Variants in HDAC9 observed in about 807,000 individuals in gnomAD.
The protein encoded by HDAC9 is MEF-2 interacting transcription repressor (MITR) protein.
In HDAC9, 41 loss-of-function variants were observed where a neutral mutation model predicts 139.4. The observed-to-expected ratio is 0.29, with a 90% CI of 0.23 to 0.38. The LOEUF (loss-of-function observed/expected upper bound fraction) is 0.38. HDAC9 is among the 10% of genes least tolerant of loss of function. The probability of loss-of-function intolerance (pLI) is 1.00; values close to 1 mark genes in which losing one functional copy is unlikely to be tolerated. For synonymous variants in HDAC9, 517 were observed against 476.2 expected (o/e 1.09, Z -1.12); for missense variants, 1,147 against 1,297.0 (o/e 0.88, Z 1.78).
At chr7:18,934,113 GAAAT>G (rs553067748) in intron 22 of HDAC9, among the ~76,000 whole-genome samples, 93 of 152,062 alleles carry the variant, frequency 6.1e-4, no homozygotes, top group African/African-American at 2.2e-3. Context: ...TTTAAACAAT[GAAAT>G]AAAAGAAGGA....
chr7:18,253,814 AAGGG>A (rs1171662533), intron 2 of HDAC9, among the ~76,000 whole-genome samples: 3 of 152,138 alleles, frequency 2.0e-5, no homozygotes, highest in Admixed American at 6.5e-5. Context: ...GCCTGGAAAC[AAGGG>A]AGGAAGAAGT....
At chr7:18,510,831 A>G (rs1425120394) in intron 2 of HDAC9, among the ~76,000 whole-genome samples, 2 of 152,194 alleles carry the variant, frequency 1.3e-5, no homozygotes, top group Admixed American at 6.5e-5. Context: ...TGAGAAAATT[A>G]TCTTTATGTG....
At chr7:18,315,354 A>G (rs1799567993) in intron 1 of HDAC9, among the ~76,000 whole-genome samples, 1 of 152,188 alleles carries the variant, frequency 6.6e-6, no homozygotes, top group African/African-American at 2.4e-5. Context: ...TATATAAAGG[A>G]ACTGAGGCAC....
At chr7:18,146,269 G>A (rs1259643780) in intron 1 of HDAC9, among the ~76,000 whole-genome samples, 1 of 152,054 alleles carries the variant, frequency 6.6e-6, no homozygotes, top group African/African-American at 2.4e-5. Context: ...TTATCTAATA[G>A]TCCATTAGTA....
In HDAC9 at chr7:18,814,765, C is replaced by G. The variant is rs150482453; in HGVS notation, c.2323-14396C>G. On this transcript the variant is annotated intron_variant, in intron 17 of 25. Coordinates refer to ENST00000686413, the MANE Select transcript of HDAC9 (RefSeq NM_178425.4). ...CATTTACTTGTTGGTAGCTATTCTA[C>G]TAGTGTATAGCCTTGGAAAATTAGA... Among the ~76,000 whole-genome samples, 650 of 152,260 alleles carry G rather than the reference C, an allele frequency of 4.3e-3. 7 individuals carry two copies. The highest frequency in any genetic ancestry group is 0.015 in the African/African-American group (604 of 41,556).
intron 1 of HDAC9, among the ~76,000 whole-genome samples, chr7:18,095,669 G>A (rs1469921911): frequency 6.6e-6 from 1 of 152,046 alleles, no homozygotes; most frequent in Non-Finnish European, 1.5e-5. Flanking sequence ...TTCTACTTAG[G>A]TATATAGGAA....
At chr7:18,402,239 T>C (rs1421881770) in intron 1 of HDAC9, among the ~76,000 whole-genome samples, 1 of 152,142 alleles carries the variant, frequency 6.6e-6, no homozygotes, top group Non-Finnish European at 1.5e-5. Context: ...TATATCAATA[T>C]AATATAATAG....
intron 2 of HDAC9, among the ~76,000 whole-genome samples, chr7:18,181,428 AT>A (rs1303795861): frequency 1.3e-5 from 2 of 152,202 alleles, no homozygotes; most frequent in Non-Finnish European, 2.9e-5. Flanking sequence ...TATTGGATTA[AT>A]TCTTTGTATG....
At chr7:18,847,029 A>G (rs1214286614) in intron 21 of HDAC9, among the ~76,000 whole-genome samples, 1 of 152,142 alleles carries the variant, frequency 6.6e-6, no homozygotes, top group African/African-American at 2.4e-5. Flanking sequence ...TTGAAGTTCT[A>G]AAAGTGTTCG....
chr7:18,305,995 C>T (rs1798881399), intron 1 of HDAC9, among the ~76,000 whole-genome samples: 1 of 152,162 alleles, frequency 6.6e-6, no homozygotes, highest in Non-Finnish European at 1.5e-5. Flanking sequence ...ATTCACTCCC[C>T]AGTCCTGAGA....
chr7:18,765,905 A>G (rs1482984674), intron 15 of HDAC9, among the ~76,000 whole-genome samples: 3 of 152,056 alleles, frequency 2.0e-5, no homozygotes, highest in African/African-American at 7.2e-5. Flanking sequence ...TAAAATGAAG[A>G]TCTCTCTTTA....
intron 1 of HDAC9, among the ~76,000 whole-genome samples, chr7:18,312,433 G>C (rs1799378887): frequency 6.6e-6 from 1 of 152,044 alleles, no homozygotes; most frequent in Admixed American, 6.6e-5. Context: ...CTTATTTTAT[G>C]TTTCAGATTT....
At chr7:18,316,192 A>C (rs377227159) in intron 1 of HDAC9, among the ~76,000 whole-genome samples, 3 of 152,118 alleles carry the variant, frequency 2.0e-5, no homozygotes, top group African/African-American at 7.2e-5. Flanking sequence ...TGCATTTCTA[A>C]CAAGCTCTGA....
chr7:18,958,023 C>T (rs752511701), intron 24 of HDAC9, among the ~76,000 whole-genome samples: 42 of 152,130 alleles, frequency 2.8e-4, no homozygotes, highest in Non-Finnish European at 4.7e-4. Context: ...AGAACTGAGT[C>T]CCCCAGCTGA....
chr7:18,442,321 A>G (rs572070414), intron 1 of HDAC9, among the ~76,000 whole-genome samples: 1 of 152,172 alleles, frequency 6.6e-6, no homozygotes, highest in Non-Finnish European at 1.5e-5. Context: ...CTCTCTTACA[A>G]GATACATTAT....
At chr7:18,920,875 G>A (rs1292572076) in intron 22 of HDAC9, among the ~76,000 whole-genome samples, 1 of 152,074 alleles carries the variant, frequency 6.6e-6, no homozygotes, top group African/African-American at 2.4e-5. Flanking sequence ...GCTTTTTGAT[G>A]TGTTGCTGGA....
At chr7:18,326,594 G>T (rs943762435) in intron 1 of HDAC9, among the ~76,000 whole-genome samples, 1 of 151,924 alleles carries the variant, frequency 6.6e-6, no homozygotes, top group Non-Finnish European at 1.5e-5. Flanking sequence ...ATTAGGAAAA[G>T]CAACATGTTA....
At chr7:18,532,076 C>G (rs980772094) in intron 2 of HDAC9, among the ~76,000 whole-genome samples, 1 of 152,116 alleles carries the variant, frequency 6.6e-6, no homozygotes, top group Non-Finnish European at 1.5e-5. Flanking sequence ...TGGTGAAACC[C>G]TGTCTCTACT....
chr7:18,178,764 A>G (rs1789161684), intron 2 of HDAC9, among the ~76,000 whole-genome samples: 2 of 152,222 alleles, frequency 1.3e-5, no homozygotes, highest in Non-Finnish European at 2.9e-5. Context: ...CATACTGTAT[A>G]ATTAGCAGTA....
Sources: gnomAD v4.1 joint callset for allele counts (sites outside exome capture counted in the v4.1 genomes callset) on GRCh38, gnomAD v4.1.1 for gene constraint, MANE v1.5 for transcripts, NCBI Gene and HGNC (gene_info 2026-07-23, HGNC 2026-07-21) for gene names.